The following SRD5A2 variants were observed in gnomAD, a reference collection of about 807,000 sequenced individuals.
The protein encoded by SRD5A2 is steroid 5 alpha-reductase 2, also known as 3-oxo-5-alpha-steroid 4-dehydrogenase 2.
A neutral mutation model predicts 27.4 loss-of-function variants in SRD5A2; 30 were observed. The observed-to-expected ratio is 1.10, with a 90% CI of 0.82 to 1.49. The LOEUF is 1.49. Ranked by LOEUF, SRD5A2 falls within the 40% of genes most tolerant of loss-of-function variation. The probability of loss-of-function intolerance (pLI) is 0.00; values close to 1 mark genes in which losing one functional copy is unlikely to be tolerated. For missense variants in SRD5A2, 348 were observed against 323.4 expected (o/e 1.08, Z -0.58); for synonymous variants, 141 against 133.6 (o/e 1.06, Z -0.38).
chr2:31,631,495 G>A, the SRD5A2 span, among the ~76,000 whole-genome samples: 25 of 152,134 alleles, frequency 1.6e-4, no homozygotes, highest in South Asian at 5.0e-3. Flanking sequence ...TCCCCCCCAA[G>A]GCAAAAACAC....
chr2:31,607,639 T>C, the SRD5A2 span, among the ~76,000 whole-genome samples: 8 of 152,084 alleles, frequency 5.3e-5, no homozygotes, highest in Non-Finnish European at 1.0e-4. Context: ...AAAGTTCTTC[T>C]GGCTAAAAGG....
chr2:31,652,815 AT>A, the SRD5A2 span, among the ~76,000 whole-genome samples: 1 of 152,196 alleles, frequency 6.6e-6, no homozygotes, highest in Non-Finnish European at 1.5e-5. Flanking sequence ...AAAGAAAGCT[AT>A]GTGTTTTTAC....
intron 1 of SRD5A2, among the ~76,000 whole-genome samples, chr2:31,558,313 C>T (rs183252186): frequency 1.3e-5 from 2 of 152,332 alleles, no homozygotes; most frequent in East Asian, 3.9e-4. Flanking sequence ...ATTTCCTAGG[C>T]TGCCATAACA....
At chr2:31,636,986 GAA>G in the SRD5A2 span, among the ~76,000 whole-genome samples, 1 of 151,922 alleles carries the variant, frequency 6.6e-6, no homozygotes, top group African/African-American at 2.4e-5. Context: ...TCCAGCCTCA[GAA>G]ATGAGTTTGC....
At chr2:31,597,435 A>G in the SRD5A2 span, among the ~76,000 whole-genome samples, 1 of 151,834 alleles carries the variant, frequency 6.6e-6, no homozygotes. Context: ...ATGAGTAAAA[A>G]TCCAAAAACA....
chr2:31,570,336 T>A (rs1409222579), intron 1 of SRD5A2, among the ~76,000 whole-genome samples: 1 of 152,142 alleles, frequency 6.6e-6, no homozygotes, highest in African/African-American at 2.4e-5. Context: ...CTCATCATGT[T>A]AAAAACCCTC....
At chr2:31,588,937 T>A in the SRD5A2 span, among the ~76,000 whole-genome samples, 5 of 152,150 alleles carry the variant, frequency 3.3e-5, no homozygotes, top group Non-Finnish European at 5.9e-5. Flanking sequence ...GAGCTTTTGC[T>A]GCAAGAACTA....
At chr2:31,659,822 G>GA in the SRD5A2 span, among the ~76,000 whole-genome samples, 2 of 151,856 alleles carry the variant, frequency 1.3e-5, no homozygotes, top group African/African-American at 2.4e-5. Flanking sequence ...CACAGAATTA[G>GA]AAAAAAATGT....
At chr2:31,549,609 T>C (rs956293437) in intron 1 of SRD5A2, among the ~76,000 whole-genome samples, 7 of 152,128 alleles carry the variant, frequency 4.6e-5, no homozygotes, top group Non-Finnish European at 8.8e-5. Context: ...TCAGATAAAG[T>C]AGACTCTGAG....
chr2:31,644,179 G>A, the SRD5A2 span, among the ~76,000 whole-genome samples: 2 of 152,102 alleles, frequency 1.3e-5, no homozygotes, highest in Admixed American at 1.3e-4. Flanking sequence ...AAAGTAATAT[G>A]TAATAATGAG....
At chr2:31,533,199 A>T (rs986764426) in intron 2 of SRD5A2, among the ~76,000 whole-genome samples, 1 of 152,186 alleles carries the variant, frequency 6.6e-6, no homozygotes, top group African/African-American at 2.4e-5. Context: ...CAGAGGGAAC[A>T]GTCCTATACA....
intron 1 of SRD5A2, among the ~76,000 whole-genome samples, chr2:31,564,606 A>G (rs1666692620): frequency 6.6e-6 from 1 of 152,016 alleles, no homozygotes; most frequent in Admixed American, 6.6e-5. Flanking sequence ...GTAACCCAAC[A>G]TCTCAAATCC....
the SRD5A2 span, among the ~76,000 whole-genome samples, chr2:31,624,007 G>C: frequency 6.6e-6 from 1 of 152,104 alleles, no homozygotes; most frequent in African/African-American, 2.4e-5. Flanking sequence ...TGGTTTGCCA[G>C]TATTTTATTG....
intron 1 of SRD5A2, among the ~76,000 whole-genome samples, chr2:31,573,531 C>T (rs1022894714): frequency 1.3e-5 from 2 of 152,180 alleles, no homozygotes; most frequent in African/African-American, 2.4e-5. Context: ...AGTTGCCAGG[C>T]TGTGGCAAAA....
chr2:31,643,939 A>T, the SRD5A2 span, among the ~76,000 whole-genome samples: 10 of 152,366 alleles, frequency 6.6e-5, no homozygotes, highest in Admixed American at 6.5e-4. Flanking sequence ...AATAGTTGCT[A>T]AAAATTCATG....
At chr2:31,599,395 G>C in the SRD5A2 span, among the ~76,000 whole-genome samples, 1 of 151,828 alleles carries the variant, frequency 6.6e-6, no homozygotes, top group Non-Finnish European at 1.5e-5. Context: ...TCTCAAAATG[G>C]GCCATATGTT....
At chr2:31,645,321 G>A in the SRD5A2 span, among the ~76,000 whole-genome samples, 10 of 152,096 alleles carry the variant, frequency 6.6e-5, no homozygotes, top group African/African-American at 1.9e-4. Context: ...GCAACTCAAC[G>A]GATAAATGCT....
chr2:31,593,373 A>T, the SRD5A2 span, among the ~76,000 whole-genome samples: 1 of 152,144 alleles, frequency 6.6e-6, no homozygotes, highest in Non-Finnish European at 1.5e-5. Context: ...TAAAAGACAC[A>T]CTTAAAGACA....
chr2:31,653,848 C>T, the SRD5A2 span, among the ~76,000 whole-genome samples: 3 of 152,018 alleles, frequency 2.0e-5, no homozygotes, highest in Non-Finnish European at 4.4e-5. Flanking sequence ...TTAGTAGAAA[C>T]GGGTTTCACC....
Sources: gnomAD v4.1 joint callset for allele counts (sites outside exome capture counted in the v4.1 genomes callset) on GRCh38, gnomAD v4.1.1 for gene constraint, MANE v1.5 for transcripts, NCBI Gene and HGNC (gene_info 2026-07-23, HGNC 2026-07-21) for gene names.